Variants in ENDOV observed in about 807,000 individuals in gnomAD.
The protein encoded by ENDOV is hEndoV.
A neutral mutation model predicts 39.4 loss-of-function variants in ENDOV; 37 were observed. That is an observed-to-expected ratio of 0.94 (90% CI 0.72 to 1.23). ENDOV has a LOEUF of 1.23. ENDOV is among the 50% of genes most tolerant of loss of function. ENDOV has a pLI of 0.00. For missense variants in ENDOV, 441 were observed against 375.7 expected (o/e 1.17, Z -1.44); for synonymous variants, 186 against 163.4 (o/e 1.14, Z -1.05).
intron 2 of ENDOV, chr17:80,419,755 C>A: frequency 1.5e-6 from 1 of 686,180 alleles, no homozygotes; most frequent in Non-Finnish European, 2.7e-6. Flanking sequence ...TCCGTTCACA[C>A]AATCCATCTT....
rs548867454 is a variant in ENDOV, at chr17:80,423,440, G to C, written c.404-80G>C. 1.8e-3 allele frequency: 2,442 copies of C among 1,364,692 alleles called. 8 individuals are homozygous for C. The highest frequency in any genetic ancestry group is 4.0e-3 in the South Asian group (293 of 73,316). 84.5% of individuals were successfully genotyped at this position (1,364,692 alleles called of 1,614,324 possible). On this transcript the variant is annotated intron_variant, in intron 4 of 9. Coordinates refer to ENST00000518137, the MANE Select transcript of ENDOV (RefSeq NM_173627.5). The stretch of plus-strand genomic sequence containing the variant: ...CCTCTGCTCACTTAGGGAAGCTTTT[G>C]GTAAGACTGGCTTGTCCTGAATCCC...
rs1053095035 is a variant in ENDOV, at chr17:80,415,369, A to G, written c.56+119A>G. 3.9e-6 allele frequency: 5 copies of G among 1,274,812 alleles called. No individual in the cohort carries two copies. In the Admixed American group the frequency reaches 1.2e-4, roughly 31 times the overall value. 79.0% of individuals were successfully genotyped at this position (1,274,812 alleles called of 1,614,324 possible). A position where few individuals can be genotyped will look rare whatever the true frequency, so the allele number is the denominator to read the frequency against. ...GGAGCTGCCACCGCCCGAGACTCCAAAGCAAAGCCCAGTTTCCGGCGCGGA... is the reference window on the plus strand; with the variant it reads ...GGAGCTGCCACCGCCCGAGACTCCAGAGCAAAGCCCAGTTTCCGGCGCGGA... On this transcript the variant is annotated intron_variant, in intron 1 of 9. Coordinates refer to ENST00000518137, the MANE Select transcript of ENDOV (RefSeq NM_173627.5).
chr17:80,430,180 C>T, intron 9 of ENDOV: 1 of 1,485,334 alleles, frequency 6.7e-7, no homozygotes, highest in Non-Finnish European at 8.9e-7. Context: ...GGTCACGGTG[C>T]CTCAGAGGAC....
chr17:80,415,254 A>G lies in ENDOV; in HGVS notation c.56+4A>G. 1.2e-6 allele frequency: 2 copies of G among 1,613,372 alleles called. No individual in the cohort carries two copies. The highest frequency in any genetic ancestry group is 2.7e-5 in the African/African-American group (2 of 75,054). Reference sequence around the variant, plus strand: ...AAACGCTGTCACTGTGGAAACGGTAATGCTGTCAGGCGACGCGCAGGAGGC... The same window carrying G: ...AAACGCTGTCACTGTGGAAACGGTAGTGCTGTCAGGCGACGCGCAGGAGGC... On this transcript the variant is annotated splice_donor_region_variant and intron_variant, in intron 1 of 9. Transcript: ENST00000518137.
Position 80,425,493 on chromosome 17 carries a change from C to A in ENDOV, c.587C>A (p.Ala196Asp). 6.3e-7 allele frequency: 1 copy of A among 1,595,870 alleles called. No individual in the cohort carries two copies. ...CAGCCCTCGCCTTCCTTGTCACAGG[C>A]CCTGAGGAGCCACGACCGCAGCACC... Reference protein sequence around the residue: ...LGDSGTVLGMALRSHDRSTRP... With the variant: ...LGDSGTVLGMDLRSHDRSTRP... The change falls in exon 7 of 10, where the codon GCC becomes GAC. Residue 196 changes from alanine (A) to aspartate (D), a missense_variant and splice_region_variant. Ala to Asp is a moderately radical substitution (Grantham distance 126). Coordinates refer to ENST00000518137, the MANE Select transcript of ENDOV (RefSeq NM_173627.5).
intron 9 of ENDOV, among the ~76,000 whole-genome samples, chr17:80,431,982 TCA>T (rs1452379463): frequency 6.6e-6 from 1 of 151,898 alleles, no homozygotes; most frequent in Non-Finnish European, 1.5e-5. Context: ...TGCCTCTAGC[TCA>T]AGTTGGGAGG....
chr17:80,421,174 A>T (rs2081966827), intron 2 of ENDOV, among the ~76,000 whole-genome samples: 1 of 151,208 alleles, frequency 6.6e-6, no homozygotes, highest in Non-Finnish European at 1.5e-5. Flanking sequence ...CCTCCTATGG[A>T]CCAGGTCCCG....
intron 7 of ENDOV, 144 bp downstream of exon 7, chr17:80,425,764 C>G: frequency 7.6e-7 from 1 of 1,318,554 alleles, no homozygotes. Flanking sequence ...AGGTCACAGA[C>G]ATCTTGCTGG....
chr17:80,433,270 T>C, intron 9 of ENDOV: 1 of 517,024 alleles, frequency 1.9e-6, no homozygotes, highest in Middle Eastern at 3.2e-4. Context: ...GTGGGGGATA[T>C]TCCACCAGGT....
At chr17:80,420,082 T>G (rs568452247) in intron 2 of ENDOV, 2 of 229,712 alleles carry the variant, frequency 8.7e-6, no homozygotes, top group East Asian at 1.0e-4. Context: ...ATATTCTCTC[T>G]CGCGCACATG....
intron 2 of ENDOV, among the ~76,000 whole-genome samples, chr17:80,419,182 A>C (rs1190665592): frequency 2.0e-5 from 3 of 151,954 alleles, no homozygotes; most frequent in Non-Finnish European, 4.4e-5. Context: ...AAAAAAAAAA[A>C]AAAAAAACAG....
In ENDOV at chr17:80,423,517, C is replaced by A. The variant is rs948723999; in HGVS notation, c.404-3C>A. The A allele has an allele frequency of 1.4e-6, 2 of 1,458,898 alleles. No homozygotes were observed. Among genetic ancestry groups the A allele is most frequent in the East Asian group, 2.8e-5 (1 of 36,266 alleles). 90.4% of individuals were successfully genotyped at this position (1,458,898 alleles called of 1,614,324 possible). A position where few individuals can be genotyped will look rare whatever the true frequency, so the allele number is the denominator to read the frequency against. Reference sequence around the variant, plus strand: ...CAACCCCACCCTCCTTTCTCTCTGGCAGGCTTTGGGGTGGCCTGCCACCTT... The same window carrying A: ...CAACCCCACCCTCCTTTCTCTCTGGAAGGCTTTGGGGTGGCCTGCCACCTT... On this transcript the variant is annotated splice_region_variant and splice_polypyrimidine_tract_variant and intron_variant, in intron 4 of 9. Coordinates refer to ENST00000518137, the MANE Select transcript of ENDOV (RefSeq NM_173627.5).
chr17:80,420,956 G>A (rs932591768), intron 2 of ENDOV, among the ~76,000 whole-genome samples: 5 of 151,588 alleles, frequency 3.3e-5, no homozygotes, highest in East Asian at 1.9e-4. Context: ...GATTACAGGC[G>A]TGAGCCACCA....
intron 3 of ENDOV, 56 bp from the exon 4 acceptor site, chr17:80,422,150 G>C: frequency 6.2e-7 from 1 of 1,608,122 alleles, no homozygotes. Flanking sequence ...GGATGGCCCT[G>C]TCCTGAGGGC....
chr17:80,435,982 T>G, intron 9 of ENDOV, 151 bp from the exon 10 acceptor site: 1 of 837,130 alleles, frequency 1.2e-6, no homozygotes, highest in African/African-American at 1.7e-5. Context: ...CTCCAACTCC[T>G]GGGCTCAAGC....
chr17:80,425,659 C>A, intron 7 of ENDOV, 39 bp downstream of exon 7: 1 of 1,543,788 alleles, frequency 6.5e-7, no homozygotes, highest in East Asian at 2.4e-5. Context: ...GCACAGGCTC[C>A]TCTGCTTCCT....
intron 4 of ENDOV, 147 bp downstream of exon 4, chr17:80,422,392 C>A: frequency 1.1e-6 from 1 of 939,528 alleles, no homozygotes; most frequent in Non-Finnish European, 1.6e-6. Context: ...GCAACGGGGA[C>A]GCGCAGTGCG....
intron 8 of ENDOV, 42 bp from the exon 9 acceptor site, chr17:80,429,731 C>G (rs372874377): frequency 3.2e-6 from 5 of 1,557,020 alleles, no homozygotes; most frequent in Non-Finnish European, 4.4e-6. Flanking sequence ...GTCAGGTAGG[C>G]GCTAGCATCT....
chr17:80,419,170 C>CA (rs67490024), intron 2 of ENDOV, among the ~76,000 whole-genome samples: 12,635 of 103,344 alleles, frequency 0.12, 787 homozygotes, highest in African/African-American at 0.17. Flanking sequence ...AGGACTCTGT[C>CA]AAAAAAAAAA....
Sources: allele counts gnomAD v4.1 joint callset (sites outside exome capture counted in the v4.1 genomes callset), GRCh38; gene constraint gnomAD v4.1.1; transcripts MANE v1.5; gene names NCBI Gene and HGNC (gene_info 2026-07-23, HGNC 2026-07-21).